PAX6: variants seen among roughly 807,000 people sequenced by gnomAD.
PAX6 encodes paired box 6.
In PAX6, 7 loss-of-function variants were observed where a neutral mutation model predicts 60.7. The observed-to-expected ratio is 0.12, with a 90% confidence interval of 0.07 to 0.22. The LOEUF (loss-of-function observed/expected upper bound fraction) is 0.22. Ranked by LOEUF, PAX6 falls within the 10% of genes least tolerant of loss-of-function variation. The pLI is 1.00. For missense variants in PAX6, 355 were observed against 555.2 expected, an observed-to-expected ratio of 0.64 and a Z score of 3.62; for synonymous variants, 208 against 201.2, an observed-to-expected ratio of 1.03 and a Z score of -0.29.
chr11:31,794,551 G>A, intron 9 of PAX6, 79 bp downstream of exon 9: 1 of 1,434,854 alleles, frequency 7.0e-7, no homozygotes. Context: ...AAAGGGCCCT[G>A]GCTAAATTTA....
chr11:31,802,441 T>G (rs1401614821), intron 5 of PAX6: 6 of 466,606 alleles, frequency 1.3e-5, no homozygotes, highest in Non-Finnish European at 2.3e-5. Context: ...GAGAAAGATT[T>G]TTTTAAAAAA....
At chr11:31,802,554 A>C in intron 5 of PAX6, 150 bp downstream of exon 5, 1 of 620,476 alleles carries the variant, frequency 1.6e-6, no homozygotes. Flanking sequence ...GAAAGTGGGA[A>C]GGCAGGGGAG....
chr11:31,794,371 T>C, intron 9 of PAX6: 1 of 615,784 alleles, frequency 1.6e-6, no homozygotes, highest in Admixed American at 2.8e-5. Context: ...GTCAGACATT[T>C]AGTCTTTGAA....
At chr11:31,790,095 TACAA>T (rs1187043552) in intron 13 of PAX6, 76 bp from the exon 14 acceptor site, 50 of 61,180 alleles carry the variant, frequency 8.2e-4, no homozygotes, top group Non-Finnish European at 9.7e-4. Flanking sequence ...TTTATAGGTT[TACAA>T]AAAAAAAAAA....
At chr11:31,811,502 C>A, upstream of PAX6, 1 of 305,830 alleles carries the variant, frequency 3.3e-6, no homozygotes, top group Non-Finnish European at 6.0e-6. Context: ...GGCGCAGGGC[C>A]CCCGAGCCCG....
chr11:31,792,502 A>ATT (rs1257811132), intron 12 of PAX6: 1 of 152,240 alleles, frequency 6.6e-6, no homozygotes, highest in East Asian at 1.9e-4. Context: ...TAGCCCCAGA[A>ATT]CTGTTTCCAG....
chr11:31,790,234 A>G (rs2134408618), intron 13 of PAX6: 3 of 526,228 alleles, frequency 5.7e-6, no homozygotes, highest in Non-Finnish European at 9.7e-6. Flanking sequence ...GATCCCAAGT[A>G]CCCCCCACCC....
In PAX6 at chr11:31,793,450, G is replaced by A. The variant is rs763938604; in HGVS notation, c.1062C>T (p.Asn354=). Residue 354 remains asparagine, a synonymous_variant, in exon 12 of 14, where the codon AAC becomes AAT. Transcript: ENST00000640368. ...PPMPSFTMAN[N]LPMQPPVPSQ... ...CAGCCGCACTTACTTGCATAGGCAG[G>A]TTATTTGCCATGGTGAAGCTGGGCA... 2 of 1,614,072 alleles carry A rather than the reference G, an allele frequency of 1.2e-6. No homozygotes were observed. Among genetic ancestry groups the A allele is most frequent in the African/African-American group, 2.7e-5 (2 of 74,938 alleles).
rs1222026699 is a variant in PAX6, at chr11:31,794,404, AAC to A, written c.724+224_724+225del. On this transcript the variant is annotated intron_variant, in intron 9 of 13. Coordinates refer to ENST00000640368, the MANE Select transcript of PAX6 (RefSeq NM_001368894.2). Reference sequence around the variant, plus strand: ...GAATTACTGGTAGATGAAAAGAAGAAACACACACACACACACCACACACACAC... The same window carrying A: ...GAATTACTGGTAGATGAAAAGAAGAAACACACACACACACCACACACACAC... The A allele has an allele frequency of 5.7e-4, 337 of 595,968 alleles. 1 individual carries two copies. Among genetic ancestry groups the A allele is most frequent in the South Asian group, 1.7e-3 (85 of 50,216 alleles). The allele number at this position is 595,968 out of a possible 1,614,324, so 36.9% of individuals were successfully genotyped here. A position where few individuals can be genotyped will look rare whatever the true frequency, so the allele number is the denominator to read the frequency against.
intron 8 of PAX6, among the ~76,000 whole-genome samples, chr11:31,797,507 GAAAAAAAAAAA>G (rs36004875): frequency 3.9e-5 from 4 of 101,400 alleles, no homozygotes; most frequent in Non-Finnish European, 7.5e-5. Flanking sequence ...TTTAAATCTG[GAAAAAAAAAAA>G]AAAAAAAAAA....
intron 13 of PAX6, 194 bp downstream of exon 13, chr11:31,790,516 A>T: frequency 1.0e-6 from 1 of 983,432 alleles, no homozygotes; most frequent in Non-Finnish European, 1.2e-6. Flanking sequence ...AGGAAAAACA[A>T]TTTTAGTTTT....
rs1172682634 is a variant in PAX6, at chr11:31,794,849, G to A, written c.566-61C>T. The A allele has an allele frequency of 9.2e-6, 14 of 1,524,826 alleles. 1 individual carries two copies. The Admixed American group carries it at 2.3e-4, about 25-fold the overall frequency. The allele number at this position is 1,524,826 out of a possible 1,614,324, so 94.5% of individuals were successfully genotyped here. On this transcript the variant is annotated intron_variant, in intron 8 of 13. Transcript: ENST00000640368. ...GGATTAACTTGGAGCCTCCAAAAGG[G>A]GCCTGGTGTAGTCTTAAACTCCAAG... is the stretch of plus-strand genomic sequence containing the variant.
intron 8 of PAX6, among the ~76,000 whole-genome samples, chr11:31,798,841 C>T (rs1592500702): frequency 6.6e-6 from 1 of 152,228 alleles, no homozygotes; most frequent in South Asian, 2.1e-4. Context: ...CCGAATCGGG[C>T]GCCACCTCTG....
At position 31,789,686 on chromosome 11, in the gene PAX6, C is replaced by T. The variant is rs568482434; in HGVS notation, c.*248G>A. 5 of 702,174 alleles carry T rather than the reference C, an allele frequency of 7.1e-6. No homozygotes were observed. The highest frequency in any genetic ancestry group is 1.8e-5 in the African/African-American group (1 of 57,048). The allele number at this position is 702,174 out of a possible 1,614,324, so 43.5% of individuals were successfully genotyped here. ...AAATGCCCATTTACAAATAATACACCAAAATGAATAAAAGTTTGGATACCA... is the reference window on the plus strand; with the variant it reads ...AAATGCCCATTTACAAATAATACACTAAAATGAATAAAAGTTTGGATACCA... On this transcript the variant is annotated 3_prime_UTR_variant, in exon 14 of 14. Coordinates refer to ENST00000640368, the MANE Select transcript of PAX6 (RefSeq NM_001368894.2).
At chr11:31,790,189 C>A in intron 13 of PAX6, 170 bp from the exon 14 acceptor site, 1 of 622,286 alleles carries the variant, frequency 1.6e-6, no homozygotes, top group Non-Finnish European at 2.8e-6. Context: ...GTAGCACCTT[C>A]AGAAACTAGA....
intron 2 of PAX6, chr11:31,810,234 G>C (rs1041877550): frequency 2.0e-5 from 3 of 152,302 alleles, no homozygotes; most frequent in East Asian, 1.9e-4. Flanking sequence ...CCCCCTCGGC[G>C]CTCGAGTGCC....
upstream of PAX6, chr11:31,814,159 G>A (rs1428570505): frequency 6.6e-6 from 1 of 152,144 alleles, no homozygotes; most frequent in East Asian, 1.9e-4. Flanking sequence ...GTGGCCAGAG[G>A]GAGGACCTCT....
rs1949346445 is a variant in PAX6 at position 31,790,111 on chromosome 11, A to AC, written c.1226-93_1226-92insG. 3.5e-5 allele frequency: 28 copies of AC among 802,490 alleles called. 1 individual carries two copies. The East Asian group carries it at 7.6e-4, about 22-fold the overall frequency. The allele number at this position is 802,490 out of a possible 1,614,324, so 49.7% of individuals were successfully genotyped here. A position where few individuals can be genotyped will look rare whatever the true frequency, so the allele number is the denominator to read the frequency against. Reference sequence around the variant, plus strand: ...TTATAGGTTTACAAAAAAAAAAAAAAAAAAAAAAACTAATACTTTCTAACA... The same window carrying AC: ...TTATAGGTTTACAAAAAAAAAAAAAACAAAAAAAAACTAATACTTTCTAACA... On this transcript the variant is annotated intron_variant, in intron 13 of 13. Coordinates refer to ENST00000640368, the MANE Select transcript of PAX6 (RefSeq NM_001368894.2).
At chr11:31,816,574 G>T (rs888618273) in intron 1 of PAX6, 1 of 702,528 alleles carries the variant, frequency 1.4e-6, no homozygotes, top group African/African-American at 1.7e-5. Flanking sequence ...CCACTGCGAA[G>T]CAGGCGACCT....
Sources: gnomAD v4.1 joint callset for allele counts (sites outside exome capture counted in the v4.1 genomes callset) on GRCh38, gnomAD v4.1.1 for gene constraint, MANE v1.5 for transcripts, NCBI Gene and HGNC (gene_info 2026-07-23, HGNC 2026-07-21) for gene names.